APBA1: variants seen among roughly 807,000 people sequenced by gnomAD.
APBA1 encodes the protein amyloid beta precursor protein binding family A member 1, also known as amyloid-beta A4 precursor protein-binding family A member 1.
APBA1 carries 55 observed loss-of-function variants against 86.6 expected under a neutral mutation model. That is an observed-to-expected ratio of 0.64 (90% CI 0.51 to 0.80). The LOEUF (loss-of-function observed/expected upper bound fraction) is 0.80. Among genes scored for constraint, APBA1 ranks in the 30% least tolerant of loss-of-function variants. The pLI, the probability that APBA1 is intolerant of heterozygous loss-of-function variation, is 0.00. For synonymous variants in APBA1, 511 were observed against 493.9 expected, an observed-to-expected ratio of 1.03 and a Z score of -0.46; for missense variants, 1,090 against 1,183.0, an observed-to-expected ratio of 0.92 and a Z score of 1.15.
intron 1 of APBA1, among the ~76,000 whole-genome samples, chr9:69,564,124 A>T (rs1836989448): frequency 6.6e-6 from 1 of 151,900 alleles, no homozygotes; most frequent in Non-Finnish European, 1.5e-5. Flanking sequence ...TCTAATAAGC[A>T]CCTCTCGGTT....
chr9:69,640,371 G>A (rs2134007179), intron 1 of APBA1, among the ~76,000 whole-genome samples: 1 of 152,154 alleles, frequency 6.6e-6, no homozygotes, highest in East Asian at 1.9e-4. Context: ...CTCATCTGGG[G>A]CACAAGTATT....
Position 69,449,570 on chromosome 9 carries a change from C to G in APBA1, c.2181+14G>C. 1.2e-6 allele frequency: 2 copies of G among 1,610,594 alleles called. No individual in the cohort carries two copies. Among genetic ancestry groups the G allele is most frequent in the African/African-American group, 1.3e-5 (1 of 74,926 alleles). ...GGTTTACCACATCAACTGATTTTTC[C>G]CATATTCAGGTACCTTAATAATGCT... On this transcript the variant is annotated intron_variant, in intron 10 of 12. Coordinates refer to ENST00000265381, the MANE Select transcript of APBA1 (RefSeq NM_001163.4).
chr9:69,466,263 T>C (rs1440738231), intron 5 of APBA1, among the ~76,000 whole-genome samples: 4 of 152,136 alleles, frequency 2.6e-5, no homozygotes, highest in Non-Finnish European at 4.4e-5. Context: ...CACAGCATCC[T>C]GGGAACTGCA....
intron 1 of APBA1, 69 bp from the exon 2 acceptor site, chr9:69,517,348 A>G: frequency 7.6e-7 from 1 of 1,314,846 alleles, no homozygotes; most frequent in African/African-American, 1.5e-5. Flanking sequence ...GTATTCAGAT[A>G]ACCATAAAAA....
At chr9:69,550,419 T>C (rs1783737826) in intron 1 of APBA1, among the ~76,000 whole-genome samples, 1 of 152,212 alleles carries the variant, frequency 6.6e-6, no homozygotes, top group South Asian at 2.1e-4. Flanking sequence ...CTGTATTCAG[T>C]TTGTTCCCAT....
At chr9:69,645,190 A>C (rs189112490) in intron 1 of APBA1, among the ~76,000 whole-genome samples, 1 of 152,296 alleles carries the variant, frequency 6.6e-6, no homozygotes, top group East Asian at 1.9e-4. Context: ...AATAAGTATA[A>C]CTTGTATGTT....
At chr9:69,484,032 T>G (rs571460551) in intron 2 of APBA1, among the ~76,000 whole-genome samples, 18 of 152,176 alleles carry the variant, frequency 1.2e-4, no homozygotes, top group African/African-American at 4.1e-4. Context: ...TATGTACGAT[T>G]CTATTTTTTC....
At chr9:69,483,538 CA>C (rs1018382557) in intron 2 of APBA1, among the ~76,000 whole-genome samples, 1 of 151,608 alleles carries the variant, frequency 6.6e-6, no homozygotes, top group African/African-American at 2.4e-5. Flanking sequence ...AACAAACAAA[CA>C]AAAAAATCTT....
At position 69,632,054 on chromosome 9, in the gene APBA1, T is replaced by G. The variant is rs142577035; in HGVS notation, c.-70+40099A>C. Among the ~76,000 whole-genome samples the G allele has an allele frequency of 7.5e-3, 1,113 of 148,154 alleles. 12 individuals carry two copies. The highest frequency in any genetic ancestry group is 0.032 in the South Asian group (148 of 4,664). ...CTAGAACTTAAAGTATAATAAAAAA[T>G]AAAAATAAAAAATAAATACAATAAA... is the stretch of plus-strand genomic sequence containing the variant. On this transcript the variant is annotated intron_variant, in intron 1 of 12. Coordinates refer to ENST00000265381, the MANE Select transcript of APBA1 (RefSeq NM_001163.4).
chr9:69,498,277 C>G (rs1338472382), intron 2 of APBA1, among the ~76,000 whole-genome samples: 3 of 152,194 alleles, frequency 2.0e-5, no homozygotes, highest in East Asian at 1.9e-4. Flanking sequence ...CTCTGGCCAA[C>G]AGTCAACTGG....
intron 11 of APBA1, 77 bp from the exon 12 acceptor site, chr9:69,432,753 C>T: frequency 7.4e-7 from 1 of 1,355,252 alleles, no homozygotes; most frequent in South Asian, 1.7e-5. Flanking sequence ...CCTGAAAGCC[C>T]CCTGCCCCTA....
intron 1 of APBA1, among the ~76,000 whole-genome samples, chr9:69,531,505 A>G (rs1836433272): frequency 6.6e-6 from 1 of 151,928 alleles, no homozygotes; most frequent in Admixed American, 6.6e-5. Context: ...TCAGGTCTCA[A>G]TGGGCCCCTC....
chr9:69,661,130 A>G (rs1333454579), intron 1 of APBA1, among the ~76,000 whole-genome samples: 1 of 152,262 alleles, frequency 6.6e-6, no homozygotes, highest in Non-Finnish European at 1.5e-5. Context: ...AAATACAGTC[A>G]CACTAATAGG....
At chr9:69,435,334 G>A (rs188424605) in intron 11 of APBA1, among the ~76,000 whole-genome samples, 1 of 152,192 alleles carries the variant, frequency 6.6e-6, no homozygotes, top group African/African-American at 2.4e-5. Flanking sequence ...TGGGTCAAAT[G>A]GTATTTCTAG....
chr9:69,569,461 G>A (rs28520834), intron 1 of APBA1, among the ~76,000 whole-genome samples: 10 of 137,220 alleles, frequency 7.3e-5, no homozygotes, highest in African/African-American at 3.5e-4. Flanking sequence ...GTGTGTGTGT[G>A]TGTGTGTGTG....
intron 10 of APBA1, among the ~76,000 whole-genome samples, chr9:69,442,090 C>T (rs1188959632): frequency 3.9e-5 from 6 of 152,220 alleles, no homozygotes; most frequent in South Asian, 2.1e-4. Flanking sequence ...GTCAGCTTCA[C>T]CCTAGAGGAG....
chr9:69,465,278 GC>G (rs1318879978), intron 5 of APBA1: 1 of 152,172 alleles, frequency 6.6e-6, no homozygotes, highest in African/African-American at 2.4e-5. Context: ...CCCAAGTGAG[GC>G]ACACCAGGCT....
intron 1 of APBA1, among the ~76,000 whole-genome samples, chr9:69,598,167 A>T (rs1822270069): frequency 6.6e-6 from 1 of 152,074 alleles, no homozygotes; most frequent in Admixed American, 6.6e-5. Context: ...CACCATTCTC[A>T]GTAAGCTATC....
intron 1 of APBA1, among the ~76,000 whole-genome samples, chr9:69,615,823 G>C (rs574213653): frequency 6.6e-6 from 1 of 152,240 alleles, no homozygotes; most frequent in Admixed American, 6.5e-5. Flanking sequence ...AGTCCTATAA[G>C]CTGAAACTAA....
Sources: gnomAD v4.1 joint callset for allele counts (sites outside exome capture counted in the v4.1 genomes callset) on GRCh38, gnomAD v4.1.1 for gene constraint, MANE v1.5 for transcripts, NCBI Gene and HGNC (gene_info 2026-07-23, HGNC 2026-07-21) for gene names.